Variants in FBXW7 observed in about 807,000 individuals in gnomAD.
The protein encoded by FBXW7 is F-box/WD repeat-containing protein 7.
A neutral mutation model predicts 86.3 loss-of-function variants in FBXW7; 11 were observed. The ratio of observed to expected loss-of-function variants is 0.13; its 90% CI spans 0.08 to 0.21. FBXW7 has a LOEUF of 0.21. Among genes scored for constraint, FBXW7 ranks in the 10% least tolerant of loss-of-function variants. The pLI, the probability that FBXW7 is intolerant of heterozygous loss-of-function variation, is 1.00. For missense variants in FBXW7, 488 were observed against 847.4 expected (o/e 0.58, Z 5.27); for synonymous variants, 313 against 297.9 (o/e 1.05, Z -0.52).
intron 4 of FBXW7, among the ~76,000 whole-genome samples, chr4:152,376,901 T>C (rs897423849): frequency 6.6e-6 from 1 of 151,862 alleles, no homozygotes; most frequent in Admixed American, 6.6e-5. Context: ...ATGACTAAAA[T>C]TGTTACATAA....
At chr4:152,372,759 C>T (rs1458174238) in intron 4 of FBXW7, among the ~76,000 whole-genome samples, 1 of 151,954 alleles carries the variant, frequency 6.6e-6, no homozygotes, top group Admixed American at 6.6e-5. Context: ...TTTAAATAGC[C>T]TTGCCCTTTG....
chr4:152,364,900 A>G (rs1175533416), intron 4 of FBXW7, among the ~76,000 whole-genome samples: 1 of 152,196 alleles, frequency 6.6e-6, no homozygotes, highest in Non-Finnish European at 1.5e-5. Context: ...TGGTTATTTC[A>G]GTCTGCCACA....
intron 2 of FBXW7, among the ~76,000 whole-genome samples, chr4:152,495,503 G>C (rs1184598319): frequency 6.6e-6 from 1 of 152,008 alleles, no homozygotes; most frequent in African/African-American, 2.4e-5. Context: ...AAATCTTTAA[G>C]TGTGTGCCAG....
intron 2 of FBXW7, among the ~76,000 whole-genome samples, chr4:152,419,827 T>C (rs951728437): frequency 7.9e-5 from 12 of 152,282 alleles, no homozygotes; most frequent in African/African-American, 2.6e-4. Flanking sequence ...AAAATGTACA[T>C]ACCTTAATTT....
At chr4:152,519,233 G>A (rs1043037913) in intron 2 of FBXW7, among the ~76,000 whole-genome samples, 12 of 152,160 alleles carry the variant, frequency 7.9e-5, no homozygotes, top group Non-Finnish European at 1.6e-4. Context: ...GGGAGGCAGA[G>A]CTTGCAGTGA....
At chr4:152,360,778 T>C (rs191755640) in intron 4 of FBXW7, among the ~76,000 whole-genome samples, 16 of 151,482 alleles carry the variant, frequency 1.1e-4, no homozygotes, top group Non-Finnish European at 2.2e-4. Flanking sequence ...ATATTTTATG[T>C]GTGTGCGCAC....
At chr4:152,357,509 TG>T (rs1428230882) in intron 4 of FBXW7, among the ~76,000 whole-genome samples, 1 of 151,876 alleles carries the variant, frequency 6.6e-6, no homozygotes, top group Non-Finnish European at 1.5e-5. Context: ...TTAGTAGAGA[TG>T]GGGTTTCACC....
intron 2 of FBXW7, among the ~76,000 whole-genome samples, chr4:152,474,437 T>C (rs1744220433): frequency 6.6e-6 from 1 of 152,210 alleles, no homozygotes; most frequent in Non-Finnish European, 1.5e-5. Flanking sequence ...TAAAGGTTTT[T>C]AAAAAGCACA....
chr4:152,341,168 C>T (rs1730706273), intron 6 of FBXW7, among the ~76,000 whole-genome samples: 1 of 152,184 alleles, frequency 6.6e-6, no homozygotes. Flanking sequence ...AAGTCTTAAA[C>T]CTTCTTAAAA....
chr4:152,363,867 T>C (rs1411835251), intron 4 of FBXW7, among the ~76,000 whole-genome samples: 1 of 152,176 alleles, frequency 6.6e-6, no homozygotes, highest in Non-Finnish European at 1.5e-5. Context: ...AGATGGGATT[T>C]GAACCTAAGG....
intron 2 of FBXW7, among the ~76,000 whole-genome samples, chr4:152,512,153 C>A (rs1748040621): frequency 6.6e-6 from 1 of 152,132 alleles, no homozygotes; most frequent in Admixed American, 6.6e-5. Flanking sequence ...TTGTCTTTCT[C>A]AAATTCTCCA....
chr4:152,416,162 T>C (rs1284882848), intron 2 of FBXW7, among the ~76,000 whole-genome samples: 1 of 152,178 alleles, frequency 6.6e-6, no homozygotes, highest in Admixed American at 6.6e-5. Flanking sequence ...GCCTGACTCA[T>C]AAGGCACTCA....
At chr4:152,377,664 C>A (rs1180109109) in intron 4 of FBXW7, among the ~76,000 whole-genome samples, 1 of 149,776 alleles carries the variant, frequency 6.7e-6, no homozygotes, top group Non-Finnish European at 1.5e-5. Context: ...ACTCAGGAGG[C>A]TGCGGCAGGA....
Position 152,411,843 on chromosome 4 carries a change from A to T in FBXW7, c.-40T>A, listed in dbSNP as rs2126883644. 6.5e-7 allele frequency: 1 copy of T among 1,541,554 alleles called. No individual in the cohort carries two copies. The highest frequency in any genetic ancestry group is 8.7e-7 in the Non-Finnish European group (1 of 1,144,680). On this transcript the variant is annotated 5_prime_UTR_variant, in exon 4 of 14. Coordinates refer to ENST00000281708, the MANE Select transcript of FBXW7 (RefSeq NM_001349798.2). Reference sequence around the variant, plus strand: ...TTGCTACTTCTTGGACCTTGGCTAGACTATCAGAAGATGCAAAGGTTTTCA... The same window carrying T: ...TTGCTACTTCTTGGACCTTGGCTAGTCTATCAGAAGATGCAAAGGTTTTCA...
At chr4:152,371,962 CAG>C (rs1283270345) in intron 4 of FBXW7, among the ~76,000 whole-genome samples, 4 of 151,918 alleles carry the variant, frequency 2.6e-5, no homozygotes, top group African/African-American at 9.6e-5. Context: ...GCAACACACA[CAG>C]AGAGTATGCA....
intron 2 of FBXW7, among the ~76,000 whole-genome samples, chr4:152,477,737 C>T (rs962755615): frequency 3.9e-5 from 6 of 152,044 alleles, no homozygotes; most frequent in Non-Finnish European, 8.8e-5. Flanking sequence ...TTTTCTGTGT[C>T]CACAATCTAG....
At chr4:152,421,080 A>G (rs1160997117) in intron 2 of FBXW7, among the ~76,000 whole-genome samples, 1 of 152,156 alleles carries the variant, frequency 6.6e-6, no homozygotes, top group East Asian at 1.9e-4. Flanking sequence ...TCTTAGCTAG[A>G]CATTCTAGAT....
chr4:152,489,870 A>G (rs1027198957), intron 2 of FBXW7, among the ~76,000 whole-genome samples: 4 of 152,034 alleles, frequency 2.6e-5, no homozygotes, highest in African/African-American at 9.7e-5. Flanking sequence ...GGCTACAGTG[A>G]ATTAGTCCAA....
At chr4:152,369,208 T>C (rs1337776569) in intron 4 of FBXW7, among the ~76,000 whole-genome samples, 1 of 152,116 alleles carries the variant, frequency 6.6e-6, no homozygotes, top group Non-Finnish European at 1.5e-5. Context: ...TACAGAACTC[T>C]TGTACATAAC....
Sources: gnomAD v4.1 joint callset for allele counts (sites outside exome capture counted in the v4.1 genomes callset) on GRCh38, gnomAD v4.1.1 for gene constraint, MANE v1.5 for transcripts, NCBI Gene and HGNC (gene_info 2026-07-23, HGNC 2026-07-21) for gene names.